BICRAL: variants seen among roughly 807,000 people sequenced by gnomAD.
BICRAL encodes BICRA like chromatin remodeling complex associated protein.
Under a neutral mutation model 91.8 loss-of-function variants are expected in BICRAL, and 8 were observed. The observed-to-expected ratio is 0.09, with a 90% confidence interval of 0.05 to 0.16. The LOEUF (loss-of-function observed/expected upper bound fraction) is 0.16, where lower values mean the gene tolerates loss of function less well. BICRAL is among the 10% of genes least tolerant of loss of function. The pLI is 1.00. For synonymous variants in BICRAL, 445 were observed against 491.1 expected, an observed-to-expected ratio of 0.91 and a Z score of 1.24; for missense variants, 1,038 against 1,310.9, an observed-to-expected ratio of 0.79 and a Z score of 3.21.
upstream of BICRAL, among the ~76,000 whole-genome samples, chr6:42,780,925 C>T (rs1762890773): frequency 6.6e-6 from 1 of 152,038 alleles, no homozygotes; most frequent in African/African-American, 2.4e-5. Flanking sequence ...TTAGTAGAGA[C>T]AGGGTTTCAC....
intron 1 of BICRAL, among the ~76,000 whole-genome samples, chr6:42,795,361 G>C (rs1350726755): frequency 1.3e-5 from 2 of 152,178 alleles, no homozygotes; most frequent in African/African-American, 4.8e-5. Context: ...AACCTGGGAG[G>C]TGGAGGTTGC....
In BICRAL at chr6:42,832,915, G is replaced by A. The variant is rs556885420; in HGVS notation, c.1839+2743G>A. On this transcript the variant is annotated intron_variant, in intron 6 of 12. Coordinates refer to ENST00000314073, the MANE Select transcript of BICRAL (RefSeq NM_001393499.1). ...ATTATTACAATACTATAACTAATCT[G>A]CAGACCTTACTCAGATTTAGTCAGT... Among the ~76,000 whole-genome samples the A allele has an allele frequency of 5.9e-5, 9 of 152,078 alleles. 1 individual carries two copies. The highest frequency in any genetic ancestry group is 1.3e-4 in the Non-Finnish European group (9 of 68,008).
intron 1 of BICRAL, among the ~76,000 whole-genome samples, chr6:42,784,976 A>G (rs1020292763): frequency 6.6e-6 from 1 of 152,142 alleles, no homozygotes. Context: ...TATGCTATGC[A>G]CTGTTCTGCT....
chr6:42,861,153 A>G (rs1295867759), intron 11 of BICRAL, among the ~76,000 whole-genome samples: 1 of 151,208 alleles, frequency 6.6e-6, no homozygotes, highest in Non-Finnish European at 1.5e-5. Flanking sequence ...TAATAATGAA[A>G]AATAATGGAT....
intron 1 of BICRAL, among the ~76,000 whole-genome samples, chr6:42,763,796 G>A (rs917773697): frequency 6.6e-6 from 1 of 151,206 alleles, no homozygotes; most frequent in Non-Finnish European, 1.5e-5. Flanking sequence ...ACTCCAGCCT[G>A]AGCAACAGAG....
rs984472297 is a variant in BICRAL at position 42,802,431 on chromosome 6, G to GT, written c.-101-7873dup. Among the ~76,000 whole-genome samples, 34 of 107,574 alleles carry GT rather than the reference G, an allele frequency of 3.2e-4. No homozygotes were observed. In the East Asian group the frequency reaches 3.7e-3, roughly 12 times the overall value. 70.6% of individuals were successfully genotyped at this position (107,574 alleles called of 152,430 possible). A position where few individuals can be genotyped will look rare whatever the true frequency, so the allele number is the denominator to read the frequency against. ...CTTTCAGCTTTTCGTGTTTTTTTTT[G>GT]TTGTTGTTGTTGTTGTTGTTGTTGT... is the stretch of plus-strand genomic sequence containing the variant. On this transcript the variant is annotated intron_variant, in intron 1 of 12. Coordinates refer to ENST00000314073, the MANE Select transcript of BICRAL (RefSeq NM_001393499.1).
chr6:42,839,676 C>CATGTATTCTTTCTGTATTTA (rs1471433076), intron 6 of BICRAL, among the ~76,000 whole-genome samples: 1 of 152,082 alleles, frequency 6.6e-6, no homozygotes, highest in Non-Finnish European at 1.5e-5. Flanking sequence ...TCTAAGAGAT[C>CATGTATTCTTTCTGTATTTA]ATGTATTCTT....
At chr6:42,784,174 AAC>A (rs1763033257) in intron 1 of BICRAL, among the ~76,000 whole-genome samples, 1 of 152,212 alleles carries the variant, frequency 6.6e-6, no homozygotes, top group Non-Finnish European at 1.5e-5. Flanking sequence ...AGTGAATTAA[AAC>A]AGTTTCTTAG....
intron 1 of BICRAL, among the ~76,000 whole-genome samples, chr6:42,749,731 T>C (rs191028020): frequency 1.6e-3 from 238 of 152,294 alleles, no homozygotes; most frequent in African/African-American, 5.4e-3. Flanking sequence ...TCTTGTTTCC[T>C]GTAAAGCCCT....
intron 1 of BICRAL, among the ~76,000 whole-genome samples, chr6:42,748,081 G>A (rs1359764783): frequency 6.7e-6 from 1 of 150,168 alleles, no homozygotes; most frequent in African/African-American, 2.4e-5. Context: ...CGGGATTACA[G>A]GCATGAGCCA....
intron 11 of BICRAL, among the ~76,000 whole-genome samples, chr6:42,861,603 A>G (rs1765557505): frequency 6.6e-6 from 1 of 152,234 alleles, no homozygotes; most frequent in Non-Finnish European, 1.5e-5. Context: ...TTGAAAATGT[A>G]CCTTGGGAGA....
At chr6:42,845,966 G>A (rs1432804947) in intron 6 of BICRAL, among the ~76,000 whole-genome samples, 1 of 150,278 alleles carries the variant, frequency 6.7e-6, no homozygotes, top group African/African-American at 2.5e-5. Context: ...AGCTAATCGG[G>A]AGGCTGAGGC....
intron 1 of BICRAL, among the ~76,000 whole-genome samples, chr6:42,767,376 T>C (rs1762651622): frequency 6.6e-6 from 1 of 152,220 alleles, no homozygotes; most frequent in Non-Finnish European, 1.5e-5. Context: ...AAGGCTAGGC[T>C]GAGATTCATT....
At chr6:42,783,145 C>T (rs1762978301) in intron 1 of BICRAL, among the ~76,000 whole-genome samples, 1 of 151,432 alleles carries the variant, frequency 6.6e-6, no homozygotes, top group Admixed American at 6.6e-5. Flanking sequence ...TTCCCGCTCC[C>T]GCTCCGAGCC....
chr6:42,797,291 T>C (rs1042240687), intron 1 of BICRAL, among the ~76,000 whole-genome samples: 2 of 152,110 alleles, frequency 1.3e-5, no homozygotes, highest in African/African-American at 4.8e-5. Context: ...GAGACTTCTT[T>C]GGATGAAGTG....
chr6:42,829,807 C>T lies in BICRAL; in HGVS notation c.1474C>T (p.Pro492Ser). ...TCCAGTGATAGCCAATCATGCCTCT[C>T]CTCAGCTTGTGGGTGGACAGATGCC... ...GSPVIANHASPQLVGGQMPLQ... is the reference protein window; with the variant it reads ...GSPVIANHASSQLVGGQMPLQ... The change falls in exon 6 of 13, where the codon CCT (proline) becomes TCT (serine). Residue 492 changes from proline to serine, a missense_variant. Pro to Ser is a moderately conservative substitution (Grantham distance 74, BLOSUM62 -1). Transcript: ENST00000314073. 6.2e-7 allele frequency: 1 copy of T among 1,614,212 alleles called. No homozygotes were observed. The highest frequency in any genetic ancestry group is 1.1e-5 in the South Asian group (1 of 91,090).
intron 5 of BICRAL, among the ~76,000 whole-genome samples, chr6:42,824,001 G>A (rs1037515656): frequency 6.6e-6 from 1 of 152,034 alleles, no homozygotes; most frequent in African/African-American, 2.4e-5. Context: ...ACTTTGGGAG[G>A]CCGAGGCAGG....
At chr6:42,751,947 G>A (rs1240064120) in intron 1 of BICRAL, among the ~76,000 whole-genome samples, 1 of 152,076 alleles carries the variant, frequency 6.6e-6, no homozygotes, top group Non-Finnish European at 1.5e-5. Context: ...ATGAGTCACC[G>A]CGCCCGGCCA....
chr6:42,797,367 G>A (rs1001357862), intron 1 of BICRAL, among the ~76,000 whole-genome samples: 3 of 151,972 alleles, frequency 2.0e-5, no homozygotes, highest in Non-Finnish European at 2.9e-5. Context: ...TAAGGCCAAA[G>A]TATTTGAATT....
Sources: allele counts gnomAD v4.1 joint callset (sites outside exome capture counted in the v4.1 genomes callset), GRCh38; gene constraint gnomAD v4.1.1; transcripts MANE v1.5; gene names NCBI Gene and HGNC (gene_info 2026-07-23, HGNC 2026-07-21).